Variants in ST7 observed in about 807,000 individuals in gnomAD.
The protein encoded by ST7 is suppressor of tumorigenicity 7 protein.
In ST7, 28 loss-of-function variants were observed where a neutral mutation model predicts 78.7. That is an observed-to-expected ratio of 0.36 (90% CI 0.26 to 0.49). The LOEUF (loss-of-function observed/expected upper bound fraction) is 0.49, where lower values mean the gene tolerates loss of function less well. ST7 is among the 20% of genes least tolerant of loss of function. The pLI is 0.99. For missense variants in ST7, 418 were observed against 696.0 expected (o/e 0.60, Z 4.49); for synonymous variants, 247 against 249.6 (o/e 0.99, Z 0.10).
intron 1 of ST7, among the ~76,000 whole-genome samples, chr7:117,016,251 GT>G (rs1222204533): frequency 6.6e-6 from 1 of 152,004 alleles, no homozygotes; most frequent in Non-Finnish European, 1.5e-5. Flanking sequence ...CAGAATTTTT[GT>G]TCCAGGGCTC....
chr7:116,977,890 G>C (rs1793777135), intron 1 of ST7, among the ~76,000 whole-genome samples: 1 of 152,116 alleles, frequency 6.6e-6, no homozygotes. Flanking sequence ...GGCCATACCT[G>C]AAAAAACAAT....
chr7:117,202,365 C>T (rs900855825), intron 12 of ST7, among the ~76,000 whole-genome samples: 1 of 152,170 alleles, frequency 6.6e-6, no homozygotes, highest in Non-Finnish European at 1.5e-5. Flanking sequence ...AAGCTCCAGA[C>T]CTGAAGACCC....
chr7:117,148,455 GTTT>G (rs1805982831), intron 9 of ST7, among the ~76,000 whole-genome samples: 1 of 152,022 alleles, frequency 6.6e-6, no homozygotes, highest in South Asian at 2.1e-4. Flanking sequence ...AAATCTGAGG[GTTT>G]TATACTTTTG....
chr7:117,222,849 A>G lies in ST7; in HGVS notation c.1638+787A>G, dbSNP rs751536651. 3.1e-6 allele frequency: 5 copies of G among 1,608,960 alleles called. No homozygotes were observed. The Admixed American group carries it at 5.0e-5, about 16-fold the overall frequency. On this transcript the variant is annotated intron_variant, in intron 15 of 15. Coordinates refer to ENST00000323984, the MANE Select transcript of ST7 (RefSeq NM_001369598.1). ...TTTCTAACTTGGCTGGGTTGATTTA[A>G]TCCCTTTCCAGATGATTGACATTTT... is the stretch of plus-strand genomic sequence containing the variant.
At chr7:117,136,469 C>T (rs948851383) in intron 8 of ST7, 21 of 604,418 alleles carry the variant, frequency 3.5e-5, no homozygotes, top group Non-Finnish European at 4.3e-5. Context: ...GATTCCTAAC[C>T]GCAGAAATAA....
intron 1 of ST7, among the ~76,000 whole-genome samples, chr7:117,049,088 A>T (rs375000089): frequency 1.4e-4 from 21 of 152,142 alleles, no homozygotes; most frequent in African/African-American, 5.1e-4. Flanking sequence ...AAGTTAAAAA[A>T]CTGGCAGCTG....
At chr7:116,971,755 A>G (rs893007288) in intron 1 of ST7, among the ~76,000 whole-genome samples, 2 of 152,152 alleles carry the variant, frequency 1.3e-5, no homozygotes, top group Admixed American at 1.3e-4. Flanking sequence ...TGGAGCGGGC[A>G]ATATGCATTA....
intron 9 of ST7, among the ~76,000 whole-genome samples, chr7:117,149,403 T>G (rs879329842): frequency 6.6e-6 from 1 of 152,132 alleles, no homozygotes; most frequent in East Asian, 1.9e-4. Flanking sequence ...TTTCCACTCT[T>G]GATTCATGAT....
intron 8 of ST7, among the ~76,000 whole-genome samples, chr7:117,137,728 T>C (rs556648316): frequency 6.6e-6 from 1 of 152,266 alleles, no homozygotes; most frequent in South Asian, 2.1e-4. Context: ...TTATCGAGGA[T>C]TAAGCACATG....
At chr7:117,059,234 T>C (rs940304217) in intron 1 of ST7, among the ~76,000 whole-genome samples, 1 of 152,144 alleles carries the variant, frequency 6.6e-6, no homozygotes, top group African/African-American at 2.4e-5. Context: ...CTGGAGGTGA[T>C]AGACACCTCA....
chr7:117,164,491 T>C (rs1176793472), intron 9 of ST7, among the ~76,000 whole-genome samples: 1 of 152,014 alleles, frequency 6.6e-6, no homozygotes, highest in Non-Finnish European at 1.5e-5. Flanking sequence ...GAAGATGCCA[T>C]ATGAGCTAAG....
chr7:116,999,718 A>G (rs921383700), intron 1 of ST7, among the ~76,000 whole-genome samples: 4 of 152,218 alleles, frequency 2.6e-5, no homozygotes, highest in Non-Finnish European at 1.5e-5. Context: ...AGATACTGTA[A>G]GAGAACTGAT....
At chr7:117,224,287 A>G (rs1469117547) in intron 15 of ST7, among the ~76,000 whole-genome samples, 1 of 152,014 alleles carries the variant, frequency 6.6e-6, no homozygotes, top group Non-Finnish European at 1.5e-5. Context: ...CCTCTAACCA[A>G]CTACCTGCTT....
chr7:117,011,646 AC>A (rs1402214813), intron 1 of ST7, among the ~76,000 whole-genome samples: 1 of 152,102 alleles, frequency 6.6e-6, no homozygotes, highest in African/African-American at 2.4e-5. Context: ...TTGTAGCAGG[AC>A]TCTGGGATGG....
chr7:117,159,172 T>C (rs1404376672), intron 9 of ST7, among the ~76,000 whole-genome samples: 1 of 152,236 alleles, frequency 6.6e-6, no homozygotes, highest in Non-Finnish European at 1.5e-5. Context: ...ATACAGACCG[T>C]AGTTCTAAAT....
chr7:117,212,959 A>AT (rs1480922065), intron 13 of ST7, among the ~76,000 whole-genome samples: 2 of 152,206 alleles, frequency 1.3e-5, no homozygotes, highest in South Asian at 4.1e-4. Flanking sequence ...AGAGCTCTGG[A>AT]TTTTCCATCA....
In ST7 at chr7:117,219,061, G is replaced by A; in HGVS notation, c.1406-23G>A. 6.3e-7 allele frequency: 1 copy of A among 1,591,088 alleles called. No individual in the cohort carries two copies. Among genetic ancestry groups the A allele is most frequent in the Non-Finnish European group, 8.6e-7 (1 of 1,166,444 alleles). ...TATGACACAAACATTGGACATCTCTGACATATTTTTTCTCGTTTTCAGCTT... is the reference window on the plus strand; with the variant it reads ...TATGACACAAACATTGGACATCTCTAACATATTTTTTCTCGTTTTCAGCTT... On this transcript the variant is annotated intron_variant, in intron 13 of 15. Transcript: ENST00000323984. This position sits in a 1 kb window ranked among gnomAD's most constrained non-coding sequence, Gnocchi z 5.1.
At chr7:117,162,983 C>A (rs573679504) in intron 9 of ST7, among the ~76,000 whole-genome samples, 1 of 152,264 alleles carries the variant, frequency 6.6e-6, no homozygotes, top group African/African-American at 2.4e-5. Flanking sequence ...TTCTAGGAGC[C>A]CAACTTTGTT....
Position 117,130,623 on chromosome 7 carries a change from C to T in ST7, c.565+17C>T, listed in dbSNP as rs554173032. On this transcript the variant is annotated intron_variant, in intron 5 of 15. Transcript: ENST00000323984. ...CAGATGCAAGTATGAAAAATCCATA[C>T]ATCCTTCTGAATGGGAGGGCTTTTT... The T allele has an allele frequency of 2.1e-5, 34 of 1,593,822 alleles. No individual in the cohort carries two copies. In the Admixed American group the frequency reaches 2.6e-4, roughly 12 times the overall value.
Sources: gnomAD v4.1 joint callset for allele counts (sites outside exome capture counted in the v4.1 genomes callset) on GRCh38, gnomAD v4.1.1 for gene constraint, Gnocchi (gnomAD v3.1) non-coding constraint, MANE v1.5 for transcripts, NCBI Gene and HGNC (gene_info 2026-07-23, HGNC 2026-07-21) for gene names.